PRDM16: variants seen among roughly 807,000 people sequenced by gnomAD.
The protein encoded by PRDM16 is PR/SET domain 16, also known as histone-lysine N-methyltransferase PRDM16.
PRDM16 carries 23 observed loss-of-function variants against 110.6 expected under a neutral mutation model. The ratio of observed to expected loss-of-function variants is 0.21; its 90% CI spans 0.15 to 0.29. The LOEUF is 0.29. Ranked by LOEUF, PRDM16 falls within the 10% of genes least tolerant of loss-of-function variation. PRDM16 has a pLI of 1.00. For synonymous variants in PRDM16, 799 were observed against 781.8 expected (o/e 1.02, Z -0.37); for missense variants, 1,615 against 1,794.3 (o/e 0.90, Z 1.81).
In PRDM16 at chr1:3,431,016, G is replaced by T. The variant is rs766651563; in HGVS notation, c.3429G>T (p.Val1143=). 2 of 1,580,728 alleles carry T rather than the reference G, an allele frequency of 1.3e-6. No homozygotes were observed. The highest frequency in any genetic ancestry group is 2.3e-5 in the South Asian group (2 of 87,396). Residue 1143 remains valine (V), a synonymous_variant, in exon 15 of 17, where the codon GTG becomes GTT. Coordinates refer to ENST00000270722, the MANE Select transcript of PRDM16 (RefSeq NM_022114.4). The stretch of plus-strand genomic sequence containing the variant: ...CCGGGAAGTCGCAGGATGACACCGT[G>T]TCCCCCGCACCCGAGCCCCAGGCCG... ...SLAGKSQDDT[V]SPAPEPQAAY...
chr1:3,266,864 G>C (rs1275223540), intron 3 of PRDM16, among the ~76,000 whole-genome samples: 1 of 152,048 alleles, frequency 6.6e-6, no homozygotes, highest in Non-Finnish European at 1.5e-5. Flanking sequence ...TTTTAGTAGA[G>C]ACCGGATTTT....
chr1:3,181,531 C>T (rs1381098654), intron 1 of PRDM16, among the ~76,000 whole-genome samples: 1 of 96,752 alleles, frequency 1.0e-5, no homozygotes, highest in Non-Finnish European at 2.1e-5. Context: ...CACAAGCGGT[C>T]TTACACACGG....
chr1:3,192,609 C>T (rs189033363), intron 2 of PRDM16, among the ~76,000 whole-genome samples: 7 of 152,228 alleles, frequency 4.6e-5, no homozygotes, highest in African/African-American at 1.4e-4. Flanking sequence ...GACTTAGACC[C>T]CTCCGTCGGT....
chr1:3,204,648 G>T (rs918312994), intron 2 of PRDM16, among the ~76,000 whole-genome samples: 1 of 152,266 alleles, frequency 6.6e-6, no homozygotes, highest in Non-Finnish European at 1.5e-5. Context: ...TGAGGATGGT[G>T]CAGGCTTTCA....
chr1:3,342,481 C>T (rs1008854538), intron 3 of PRDM16, among the ~76,000 whole-genome samples: 4 of 152,334 alleles, frequency 2.6e-5, no homozygotes, highest in African/African-American at 9.6e-5. Flanking sequence ...AGGTGAGTCT[C>T]AAACCAGGCA....
At chr1:3,415,085 G>C (rs1200317554) in intron 10 of PRDM16, among the ~76,000 whole-genome samples, 1 of 152,206 alleles carries the variant, frequency 6.6e-6, no homozygotes, top group East Asian at 1.9e-4. Context: ...TGAGCATGCA[G>C]AGAGGGGCAT....
chr1:3,310,444 C>A (rs570808137), intron 3 of PRDM16, among the ~76,000 whole-genome samples: 77 of 152,332 alleles, frequency 5.1e-4, no homozygotes, highest in African/African-American at 1.7e-3. Context: ...CCTGTGCCTC[C>A]TCTGAGCTCT....
intron 3 of PRDM16, among the ~76,000 whole-genome samples, chr1:3,380,001 C>A (rs1308834690): frequency 7.7e-6 from 1 of 130,172 alleles, no homozygotes; most frequent in Admixed American, 7.6e-5. Flanking sequence ...GCCCTCCCAG[C>A]ACACCCCTCC....
chr1:3,132,217 C>T lies in PRDM16; in HGVS notation c.38-53908C>T, dbSNP rs377574637. ...GATGAAGGGTTACACGGCGGTGCCA[C>T]GGAGAGGAAAACTCTGCCATTCCAG... On this transcript the variant is annotated intron_variant, in intron 1 of 16. Transcript: ENST00000270722. 2.1e-3 allele frequency among the ~76,000 whole-genome samples: 321 copies of T among 152,270 alleles called. 8 individuals are homozygous for T. In the South Asian group the frequency reaches 0.046, roughly 22 times the overall value.
At chr1:3,141,227 G>A (rs992385022) in intron 1 of PRDM16, among the ~76,000 whole-genome samples, 2 of 152,162 alleles carry the variant, frequency 1.3e-5, no homozygotes, top group African/African-American at 4.8e-5. Context: ...GCCAATTTGG[G>A]GGTATTTTCT....
rs1410597911 is a variant in PRDM16, at chr1:3,244,408, A to C, written c.438+271A>C. Among the ~76,000 whole-genome samples the C allele has an allele frequency of 6.6e-6, 1 of 152,088 alleles. No individual in the cohort carries two copies. Among genetic ancestry groups the C allele is most frequent in the African/African-American group, 2.4e-5 (1 of 41,434 alleles). On this transcript the variant is annotated intron_variant, in intron 3 of 16. Coordinates refer to ENST00000270722, the MANE Select transcript of PRDM16 (RefSeq NM_022114.4). The surrounding 1 kb of genome is among the most constrained non-coding windows in gnomAD (Gnocchi z 4.1). ...CTCCTAACTCCCGAGAGTGGAGGAG[A>C]GCCCTGTACCTGTGGGAAAGCTTCA... is the stretch of plus-strand genomic sequence containing the variant.
intron 3 of PRDM16, among the ~76,000 whole-genome samples, chr1:3,347,636 C>T (rs112396867): frequency 2.6e-4 from 39 of 152,284 alleles, no homozygotes; most frequent in African/African-American, 9.1e-4. Context: ...ATGACCCTGC[C>T]CCAGGTCCCA....
Position 3,245,606 on chromosome 1 carries a change from C to A in PRDM16, c.438+1469C>A, listed in dbSNP as rs575700633. Among the ~76,000 whole-genome samples, 167 of 152,310 alleles carry A rather than the reference C, an allele frequency of 1.1e-3. No individual in the cohort carries two copies. Among genetic ancestry groups the A allele is most frequent in the African/African-American group, 3.5e-3 (146 of 41,550 alleles). ...CAAGGACAAGGTGTCGGCTCTCAGT[C>A]CCCGCCGTCCACAGGATGCCTGAGG... On this transcript the variant is annotated intron_variant, in intron 3 of 16. Coordinates refer to ENST00000270722, the MANE Select transcript of PRDM16 (RefSeq NM_022114.4). This position sits in a 1 kb window ranked among gnomAD's most constrained non-coding sequence, Gnocchi z 4.7.
At chr1:3,317,792 C>T (rs1641646330) in intron 3 of PRDM16, among the ~76,000 whole-genome samples, 1 of 152,220 alleles carries the variant, frequency 6.6e-6, no homozygotes, top group South Asian at 2.1e-4. Context: ...AGGATTACTC[C>T]CTTTTAATAG....
chr1:3,137,049 G>A (rs922192665), intron 1 of PRDM16, among the ~76,000 whole-genome samples: 6 of 152,202 alleles, frequency 3.9e-5, no homozygotes, highest in African/African-American at 1.2e-4. Context: ...AAAGGACCTC[G>A]GAAGGAGTCA....
At chr1:3,320,682 C>G (rs1379626332) in intron 3 of PRDM16, among the ~76,000 whole-genome samples, 1 of 152,220 alleles carries the variant, frequency 6.6e-6, no homozygotes, top group Non-Finnish European at 1.5e-5. Flanking sequence ...CTGAACCCAC[C>G]CCCTTGGCCC....
intron 3 of PRDM16, among the ~76,000 whole-genome samples, chr1:3,300,555 T>G (rs924728723): frequency 6.6e-6 from 1 of 152,208 alleles, no homozygotes; most frequent in Non-Finnish European, 1.5e-5. Flanking sequence ...TTTTCCAGCC[T>G]CAGGAGCACA....
In PRDM16 at chr1:3,404,638, G is replaced by A; in HGVS notation, c.885-101G>A. ...CTCTGATCCCTCGGCAGCGTGGTGG[G>A]GGCTCCGAAGGGGCACTGGGAACAA... On this transcript the variant is annotated intron_variant, in intron 6 of 16. Transcript: ENST00000270722. 7 of 1,411,814 alleles carry A rather than the reference G, an allele frequency of 5.0e-6. No individual in the cohort carries two copies. The South Asian group carries it at 6.2e-5, about 13-fold the overall frequency. 87.5% of individuals were successfully genotyped at this position (1,411,814 alleles called of 1,614,324 possible).
intron 3 of PRDM16, among the ~76,000 whole-genome samples, chr1:3,299,231 C>T (rs1286956540): frequency 6.6e-6 from 1 of 151,402 alleles, no homozygotes; most frequent in African/African-American, 2.4e-5. Flanking sequence ...AGATGCCGTG[C>T]TGTGGCCGTG....
Sources: gnomAD v4.1 joint callset for allele counts (sites outside exome capture counted in the v4.1 genomes callset) on GRCh38, gnomAD v4.1.1 for gene constraint, Gnocchi (gnomAD v3.1) non-coding constraint, MANE v1.5 for transcripts, NCBI Gene and HGNC (gene_info 2026-07-23, HGNC 2026-07-21) for gene names.